AK8: variants seen among roughly 807,000 people sequenced by gnomAD.
AK8 encodes ATP-AMP transphosphorylase 8.
AK8 carries 44 observed loss-of-function variants against 54.6 expected under a neutral mutation model. That is an observed-to-expected ratio of 0.81 (90% CI 0.63 to 1.04). AK8 has a LOEUF of 1.04. Ranked by LOEUF, AK8 falls within the 50% of genes least tolerant of loss-of-function variation. AK8 has a pLI of 0.00. For missense variants in AK8, 555 were observed against 613.6 expected, an observed-to-expected ratio of 0.90 and a Z score of 1.01; for synonymous variants, 239 against 245.6, an observed-to-expected ratio of 0.97 and a Z score of 0.25.
chr9:132,767,327 T>C (rs1436589035), intron 11 of AK8, among the ~76,000 whole-genome samples: 1 of 151,914 alleles, frequency 6.6e-6, no homozygotes, highest in East Asian at 1.9e-4. Flanking sequence ...AAAGAAGATA[T>C]ACGAATGGCC....
At chr9:132,807,835 TA>T (rs1840792198) in intron 10 of AK8, among the ~76,000 whole-genome samples, 1 of 152,134 alleles carries the variant, frequency 6.6e-6, no homozygotes, top group Non-Finnish European at 1.5e-5. Context: ...CCAATTTCCT[TA>T]GGAAGCTCTG....
intron 11 of AK8, among the ~76,000 whole-genome samples, chr9:132,754,170 C>T (rs542195768): frequency 1.2e-4 from 18 of 152,274 alleles, no homozygotes; most frequent in South Asian, 1.0e-3. Flanking sequence ...TACCAGGAGA[C>T]GGCACAACAC....
chr9:132,782,519 G>A (rs138913212), intron 11 of AK8, among the ~76,000 whole-genome samples: 5 of 152,106 alleles, frequency 3.3e-5, no homozygotes, highest in East Asian at 1.9e-4. Flanking sequence ...GTGAAACCCC[G>A]TCTCTACTAA....
chr9:132,861,172 C>T (rs1375562505), intron 4 of AK8, among the ~76,000 whole-genome samples: 2 of 152,214 alleles, frequency 1.3e-5, no homozygotes, highest in South Asian at 2.1e-4. Flanking sequence ...GCACCATCCC[C>T]GTGGGCTTTG....
chr9:132,848,319 T>A lies in AK8; in HGVS notation c.402+6538A>T, dbSNP rs561992547. Among the ~76,000 whole-genome samples the A allele has an allele frequency of 2.0e-5, 3 of 152,160 alleles. No homozygotes were observed. In the East Asian group the frequency reaches 5.8e-4, roughly 29 times the overall value. ...TCCAGTCACTCGGGCCATCTTTCCC[T>A]CCCCTTTAATGCTCTGCCAAAAGAT... On this transcript the variant is annotated intron_variant, in intron 5 of 12. Transcript: ENST00000298545.
rs76702343 is a variant in AK8 at position 132,806,504 on chromosome 9, CAG to C, written c.979+8132_979+8133del. Among the ~76,000 whole-genome samples, 2,070 of 152,272 alleles carry C rather than the reference CAG, an allele frequency of 0.014. 103 individuals carry two copies. The East Asian group carries it at 0.14, about 11-fold the overall frequency. On this transcript the variant is annotated intron_variant, in intron 10 of 12. Coordinates refer to ENST00000298545, the MANE Select transcript of AK8 (RefSeq NM_152572.3). The stretch of plus-strand genomic sequence containing the variant: ...TGCTGGAAACGGGCAGAGGGTCCCT[CAG>C]GGTCTCCCCTCCACGGGAAGACAGC...
intron 9 of AK8, 58 bp downstream of exon 9, chr9:132,823,147 G>A: frequency 2.0e-6 from 3 of 1,498,604 alleles, no homozygotes; most frequent in Admixed American, 2.3e-5. Flanking sequence ...TGGGGAGGAG[G>A]GGCAGGAGGC....
chr9:132,822,679 G>A (rs935029506), intron 9 of AK8, among the ~76,000 whole-genome samples: 6 of 152,100 alleles, frequency 3.9e-5, no homozygotes, highest in Non-Finnish European at 7.4e-5. Flanking sequence ...GACCTGGAGA[G>A]CTGATTTCAA....
intron 10 of AK8, among the ~76,000 whole-genome samples, chr9:132,795,618 G>A (rs939288607): frequency 1.3e-5 from 2 of 152,194 alleles, no homozygotes; most frequent in South Asian, 2.1e-4. Flanking sequence ...CACCCAGTGG[G>A]TAGTTGCTGA....
In AK8 at chr9:132,806,634, C is replaced by T. The variant is rs1404707211; in HGVS notation, c.979+8004G>A. 2.0e-5 allele frequency among the ~76,000 whole-genome samples: 3 copies of T among 152,214 alleles called. No individual in the cohort carries two copies. In the East Asian group the frequency reaches 5.8e-4, roughly 29 times the overall value. On this transcript the variant is annotated intron_variant, in intron 10 of 12. Transcript: ENST00000298545. Reference sequence around the variant, plus strand: ...TGTCTTTCAACTCAGCAACTCTTTGCAAGTTTTTAACAAAAGAGAAAAACT... The same window carrying T: ...TGTCTTTCAACTCAGCAACTCTTTGTAAGTTTTTAACAAAAGAGAAAAACT...
intron 9 of AK8, among the ~76,000 whole-genome samples, chr9:132,815,720 A>C (rs1289271558): frequency 6.6e-6 from 1 of 152,234 alleles, no homozygotes; most frequent in African/African-American, 2.4e-5. Flanking sequence ...GTGCTGGGCA[A>C]CAAGCATGAG....
At position 132,770,004 on chromosome 9, in the gene AK8, A is replaced by G. The variant is rs1838889775; in HGVS notation, c.1121+22630T>C. ...TACAAGGCTAATTATTGTTGAGCGGAGAGGGGGACTGCTCCCAGGGCTCCA... is the reference window on the plus strand; with the variant it reads ...TACAAGGCTAATTATTGTTGAGCGGGGAGGGGGACTGCTCCCAGGGCTCCA... On this transcript the variant is annotated intron_variant, in intron 11 of 12. Coordinates refer to ENST00000298545, the MANE Select transcript of AK8 (RefSeq NM_152572.3). This position sits in a 1 kb window ranked among gnomAD's most constrained non-coding sequence, Gnocchi z 4.3. The G allele has an allele frequency of 6.6e-6, 1 of 152,176 alleles. No homozygotes were observed. Among genetic ancestry groups the G allele is most frequent in the Admixed American group, 6.5e-5 (1 of 15,276 alleles). The allele number at this position is 152,176 out of a possible 1,614,324, so 9.4% of individuals were successfully genotyped here.
chr9:132,817,392 G>T (rs1841380168), intron 9 of AK8, among the ~76,000 whole-genome samples: 1 of 152,172 alleles, frequency 6.6e-6, no homozygotes, highest in Non-Finnish European at 1.5e-5. Flanking sequence ...GAGAAAACAG[G>T]CCAGAGAATC....
At chr9:132,788,356 G>A (rs79772195) in intron 11 of AK8, among the ~76,000 whole-genome samples, 2,905 of 152,228 alleles carry the variant, frequency 0.019, 89 homozygotes, top group African/African-American at 0.066. Context: ...ACTGGAAAAT[G>A]GGATCTTTTA....
intron 5 of AK8, among the ~76,000 whole-genome samples, chr9:132,851,543 G>C (rs984649754): frequency 6.6e-6 from 1 of 152,230 alleles, no homozygotes; most frequent in Non-Finnish European, 1.5e-5. Flanking sequence ...GAGATCAAAG[G>C]CTCACCCCCA....
intron 5 of AK8, among the ~76,000 whole-genome samples, chr9:132,839,833 G>A (rs1052320665): frequency 4.2e-5 from 6 of 142,324 alleles, no homozygotes; most frequent in African/African-American, 1.6e-4. Context: ...GGGGGGGGGC[G>A]CAGGGACGGA....
chr9:132,813,590 G>A (rs924472503), intron 10 of AK8, among the ~76,000 whole-genome samples: 2 of 152,244 alleles, frequency 1.3e-5, no homozygotes, highest in South Asian at 4.1e-4. Flanking sequence ...ATGTGCAGGG[G>A]AGGAAGGTGT....
In AK8 at chr9:132,867,190, C is replaced by T. The variant is rs181796972; in HGVS notation, c.170-237G>A. On this transcript the variant is annotated intron_variant, in intron 2 of 12. Coordinates refer to ENST00000298545, the MANE Select transcript of AK8 (RefSeq NM_152572.3). ...TTCTGCCTCCAAGGGGACAGAGACA[C>T]GGTAACTTGTTTACCAAACTCATAA... Among the ~76,000 whole-genome samples the T allele has an allele frequency of 1.4e-4, 21 of 152,072 alleles. No individual in the cohort carries two copies. The East Asian group carries it at 2.9e-3, about 21-fold the overall frequency.
rs554156383 is a variant in AK8, at chr9:132,865,966, G to A, written c.219+938C>T. Among the ~76,000 whole-genome samples the A allele has an allele frequency of 2.0e-5, 3 of 152,274 alleles. No individual in the cohort carries two copies. In the East Asian group the frequency reaches 5.8e-4, roughly 29 times the overall value. On this transcript the variant is annotated intron_variant, in intron 3 of 12. Transcript: ENST00000298545. ...TAATCCCAGCTCTTTGGGAGGCTGA[G>A]GTAGGCGGATCACCTGAGGTCAGGA...
Sources: allele counts gnomAD v4.1 joint callset (sites outside exome capture counted in the v4.1 genomes callset), GRCh38; gene constraint gnomAD v4.1.1; non-coding constraint Gnocchi (gnomAD v3.1); transcripts MANE v1.5; gene names NCBI Gene and HGNC (gene_info 2026-07-23, HGNC 2026-07-21).